The following GREB1L variants were observed in gnomAD, a reference collection of about 807,000 sequenced individuals.
The protein encoded by GREB1L is GREB1 like retinoic acid receptor coactivator.
GREB1L carries 17 observed loss-of-function variants against 200.8 expected under a neutral mutation model. That is an observed-to-expected ratio of 0.08 (90% confidence interval 0.06 to 0.13). GREB1L has a LOEUF of 0.13. Ranked by LOEUF, GREB1L falls within the 10% of genes least tolerant of loss-of-function variation. The pLI, the probability that GREB1L is intolerant of heterozygous loss-of-function variation, is 1.00. For missense variants in GREB1L, 1,657 were observed against 2,367.7 expected, an observed-to-expected ratio of 0.70 and a Z score of 6.23; for synonymous variants, 789 against 893.0, an observed-to-expected ratio of 0.88 and a Z score of 2.08.
At chr18:21,399,008 C>T (rs1398175692) in intron 5 of GREB1L, among the ~76,000 whole-genome samples, 1 of 152,188 alleles carries the variant, frequency 6.6e-6, no homozygotes, top group Admixed American at 6.5e-5. Flanking sequence ...ATGTTGTTAA[C>T]TCATCATTAA....
chr18:21,517,040 ATTTTTATAT>A (rs953266269), intron 30 of GREB1L, among the ~76,000 whole-genome samples: 1 of 151,626 alleles, frequency 6.6e-6, no homozygotes, highest in Non-Finnish European at 1.5e-5. Flanking sequence ...CGCTTGGATA[ATTTTTATAT>A]TTTTAGTAGA....
chr18:21,330,076 A>C (rs867295202), intron 1 of GREB1L, among the ~76,000 whole-genome samples: 1 of 151,872 alleles, frequency 6.6e-6, no homozygotes, highest in South Asian at 2.1e-4. Context: ...TAATTAAGCC[A>C]GTTCTTATAG....
At chr18:21,315,185 G>A (rs1240074400) in intron 1 of GREB1L, among the ~76,000 whole-genome samples, 1 of 152,088 alleles carries the variant, frequency 6.6e-6, no homozygotes, top group Non-Finnish European at 1.5e-5. Flanking sequence ...AAACTCCAGG[G>A]CTCAAGCAAT....
intron 1 of GREB1L, among the ~76,000 whole-genome samples, chr18:21,253,012 AT>A (rs1437786639): frequency 6.6e-6 from 1 of 152,176 alleles, no homozygotes; most frequent in African/African-American, 2.4e-5. Context: ...AGAAAATTTA[AT>A]TTTGATATCA....
At chr18:21,500,419 G>T (rs912551431) in intron 22 of GREB1L, 113 bp downstream of exon 22, 7 of 841,700 alleles carry the variant, frequency 8.3e-6, no homozygotes, top group African/African-American at 1.7e-5. Flanking sequence ...GAGCAGTGAG[G>T]ACCTCATTCA....
At chr18:21,462,898 C>T (rs763418498) in intron 15 of GREB1L, among the ~76,000 whole-genome samples, 3 of 152,050 alleles carry the variant, frequency 2.0e-5, no homozygotes, top group Admixed American at 6.5e-5. Context: ...ATGGAGGAAC[C>T]TAACTGCATA....
rs370094258 is a variant in GREB1L at position 21,268,560 on chromosome 18, C to CATATATATAT, written c.-120+26191_-120+26200dup. Among the ~76,000 whole-genome samples, 86 of 63,514 alleles carry CATATATATAT rather than the reference C, an allele frequency of 1.4e-3. 1 individual carries two copies. Among genetic ancestry groups the CATATATATAT allele is most frequent in the African/African-American group, 5.1e-3 (68 of 13,364 alleles). 41.7% of individuals were successfully genotyped at this position (63,514 alleles called of 152,430 possible). A position where few individuals can be genotyped will look rare whatever the true frequency, so the allele number is the denominator to read the frequency against. On this transcript the variant is annotated intron_variant, in intron 1 of 32. Transcript: ENST00000424526. ...ACACACACACACACACACACACACACATATATATATATATATATATATATA... is the reference window on the plus strand; with the variant it reads ...ACACACACACACACACACACACACACATATATATATATATATATATATATATATATATATA...
At chr18:21,381,331 C>T (rs1567964582) in intron 2 of GREB1L, among the ~76,000 whole-genome samples, 1 of 151,886 alleles carries the variant, frequency 6.6e-6, no homozygotes, top group Non-Finnish European at 1.5e-5. Flanking sequence ...TTGCTTGAAC[C>T]CAGGTGGCAG....
At chr18:21,262,877 T>C (rs1769485835) in intron 1 of GREB1L, among the ~76,000 whole-genome samples, 1 of 152,198 alleles carries the variant, frequency 6.6e-6, no homozygotes, top group Non-Finnish European at 1.5e-5. Flanking sequence ...TTTCGTCTGC[T>C]AAAACTTCAT....
chr18:21,310,242 C>T (rs750591950), intron 1 of GREB1L, among the ~76,000 whole-genome samples: 2 of 152,018 alleles, frequency 1.3e-5, no homozygotes, highest in Admixed American at 6.6e-5. Context: ...AAGAGAGGAC[C>T]GATGAAGGAG....
chr18:21,319,946 G>A (rs1054927753), intron 1 of GREB1L, among the ~76,000 whole-genome samples: 7 of 152,182 alleles, frequency 4.6e-5, no homozygotes, highest in Non-Finnish European at 5.9e-5. Flanking sequence ...AATATCATTC[G>A]TATAAAGCAG....
At chr18:21,248,997 T>C (rs186294733) in intron 1 of GREB1L, among the ~76,000 whole-genome samples, 3 of 152,308 alleles carry the variant, frequency 2.0e-5, no homozygotes, top group Admixed American at 2.0e-4. Flanking sequence ...CAAAGGCATA[T>C]AGCAAAAATA....
intron 2 of GREB1L, among the ~76,000 whole-genome samples, chr18:21,374,807 A>G (rs111427344): frequency 1.4e-4 from 21 of 151,972 alleles, no homozygotes; most frequent in African/African-American, 4.6e-4. Context: ...AGTACTTGAA[A>G]ATATATTTAT....
At chr18:21,450,921 T>G in intron 12 of GREB1L, 102 bp from the exon 13 acceptor site, 1 of 1,196,234 alleles carries the variant, frequency 8.4e-7, no homozygotes, top group South Asian at 1.5e-5. Context: ...CAAGTCCCTA[T>G]AGTGACATCC....
At chr18:21,468,923 C>T in intron 15 of GREB1L, 1 of 391,534 alleles carries the variant, frequency 2.6e-6, no homozygotes, top group South Asian at 1.9e-5. Flanking sequence ...AAAAGTGATA[C>T]TGTGTCCTCA....
intron 15 of GREB1L, among the ~76,000 whole-genome samples, chr18:21,461,646 G>C (rs2035051948): frequency 6.6e-6 from 1 of 152,058 alleles, no homozygotes; most frequent in Admixed American, 6.6e-5. Context: ...TTCTCCCACT[G>C]TGTGTGTGTG....
chr18:21,490,454 G>A, intron 19 of GREB1L, 103 bp downstream of exon 19: 9 of 873,770 alleles, frequency 1.0e-5, no homozygotes, highest in African/African-American at 1.7e-5. Flanking sequence ...AGAATCACAT[G>A]TGTGATTCCA....
At chr18:21,279,418 A>C (rs1238064737) in intron 1 of GREB1L, among the ~76,000 whole-genome samples, 1 of 151,836 alleles carries the variant, frequency 6.6e-6, no homozygotes, top group East Asian at 1.9e-4. Flanking sequence ...CCAGTGTTTT[A>C]CTCTGTACTT....
At chr18:21,363,273 T>TCCCCCCCCCC (rs2039606295) in intron 1 of GREB1L, among the ~76,000 whole-genome samples, 5 of 4,762 alleles carry the variant, frequency 1.0e-3, no homozygotes, top group South Asian at 0.024. Context: ...CTGCCCCCAC[T>TCCCCCCCCCC]CCGCCTCCCC....
Sources: allele counts gnomAD v4.1 joint callset (sites outside exome capture counted in the v4.1 genomes callset), GRCh38; gene constraint gnomAD v4.1.1; transcripts MANE v1.5; gene names NCBI Gene and HGNC (gene_info 2026-07-23, HGNC 2026-07-21).